Variants in SORCS1 observed in about 807,000 individuals in gnomAD.
SORCS1 encodes the protein VPS10 domain-containing receptor SorCS1.
SORCS1 carries 60 observed loss-of-function variants against 146.1 expected under a neutral mutation model. That is an observed-to-expected ratio of 0.41 (90% CI 0.33 to 0.51). The LOEUF (loss-of-function observed/expected upper bound fraction) is 0.51, where lower values mean the gene tolerates loss of function less well. SORCS1 is among the 20% of genes least tolerant of loss of function. SORCS1 has a pLI of 0.21. For missense variants in SORCS1, 1,352 were observed against 1,487.6 expected, an observed-to-expected ratio of 0.91 and a Z score of 1.50; for synonymous variants, 637 against 584.0, an observed-to-expected ratio of 1.09 and a Z score of -1.31.
chr10:107,112,235 T>C (rs1343082383), intron 1 of SORCS1, among the ~76,000 whole-genome samples: 1 of 152,028 alleles, frequency 6.6e-6, no homozygotes, highest in Non-Finnish European at 1.5e-5. Flanking sequence ...TGCTATCAAT[T>C]TTATAAAAAA....
rs560544517 is a variant in SORCS1 at position 106,692,405 on chromosome 10, G to C, written c.1414-4067C>G. Among the ~76,000 whole-genome samples the C allele has an allele frequency of 4.6e-5, 7 of 152,186 alleles. No homozygotes were observed. The East Asian group carries it at 1.3e-3, about 29-fold the overall frequency. On this transcript the variant is annotated intron_variant, in intron 9 of 25. Coordinates refer to ENST00000263054, the MANE Select transcript of SORCS1 (RefSeq NM_052918.5). Reference sequence around the variant, plus strand: ...TACTGAAATAGGTAGTAAGAGTTCTGCATTAGAAGGTACAACACCCAAGCC... The same window carrying C: ...TACTGAAATAGGTAGTAAGAGTTCTCCATTAGAAGGTACAACACCCAAGCC...
chr10:106,846,701 T>G (rs1225964472), intron 2 of SORCS1, among the ~76,000 whole-genome samples: 1 of 10,220 alleles, frequency 9.8e-5, no homozygotes, highest in Non-Finnish European at 1.8e-4. Context: ...GCCCATTCAG[T>G]ATGATATTGG....
intron 6 of SORCS1, among the ~76,000 whole-genome samples, chr10:106,710,956 T>A (rs1479782415): frequency 6.6e-6 from 1 of 152,232 alleles, no homozygotes; most frequent in African/African-American, 2.4e-5. Context: ...CATCTGAGGA[T>A]CTTCCATAGT....
chr10:106,912,522 C>T (rs935395248), intron 2 of SORCS1, among the ~76,000 whole-genome samples: 2 of 152,142 alleles, frequency 1.3e-5, no homozygotes, highest in Admixed American at 6.6e-5. Context: ...ACAAAATTTT[C>T]GGACCACCAC....
At chr10:106,673,941 C>T (rs1482033225) in intron 14 of SORCS1, among the ~76,000 whole-genome samples, 1 of 151,982 alleles carries the variant, frequency 6.6e-6, no homozygotes, top group Non-Finnish European at 1.5e-5. Context: ...GAATGCATTG[C>T]TAATTTAGCT....
chr10:106,957,165 G>GTTTTTTTTTTTTTTTTTTTTTTTTTTTTT (rs374081494), intron 1 of SORCS1, among the ~76,000 whole-genome samples: 2 of 138,038 alleles, frequency 1.4e-5, no homozygotes, highest in Non-Finnish European at 1.5e-5. Flanking sequence ...GTTTTTTTTT[G>GTTTTTTTTTTTTTTTTTTTTTTTTTTTTT]TTTTTTTTGT....
At chr10:106,947,575 G>A (rs1354192624) in intron 2 of SORCS1, among the ~76,000 whole-genome samples, 1 of 152,146 alleles carries the variant, frequency 6.6e-6, no homozygotes, top group African/African-American at 2.4e-5. Flanking sequence ...TGGGCGCGGT[G>A]GCTCACGCCT....
chr10:106,770,809 AC>A (rs1859964329), intron 4 of SORCS1, among the ~76,000 whole-genome samples: 1 of 152,190 alleles, frequency 6.6e-6, no homozygotes, highest in South Asian at 2.1e-4. Context: ...CTAAATGAAC[AC>A]CTGCTCTCCA....
At chr10:106,594,667 C>T (rs1192068606) in intron 24 of SORCS1, among the ~76,000 whole-genome samples, 3 of 152,104 alleles carry the variant, frequency 2.0e-5, no homozygotes, top group Non-Finnish European at 2.9e-5. Context: ...GCAAGGTCTC[C>T]GGACTAAAAA....
chr10:106,672,663 C>T (rs1851695016), intron 15 of SORCS1, among the ~76,000 whole-genome samples: 1 of 152,156 alleles, frequency 6.6e-6, no homozygotes, highest in Non-Finnish European at 1.5e-5. Context: ...CTCATTATAT[C>T]CTAGCACAAT....
intron 1 of SORCS1, among the ~76,000 whole-genome samples, chr10:107,163,269 T>C (rs1419898342): frequency 6.6e-6 from 1 of 152,190 alleles, no homozygotes. Context: ...GTCACTGGGA[T>C]ATATCTGATC....
chr10:106,882,999 A>T (rs1324960877), intron 2 of SORCS1, among the ~76,000 whole-genome samples: 2 of 152,196 alleles, frequency 1.3e-5, no homozygotes, highest in African/African-American at 4.8e-5. Context: ...TAACATTTCG[A>T]CTACAAAAGC....
intron 1 of SORCS1, among the ~76,000 whole-genome samples, chr10:106,980,227 G>T (rs2139335992): frequency 6.6e-6 from 1 of 152,294 alleles, no homozygotes; most frequent in Middle Eastern, 3.4e-3. Flanking sequence ...ATTTCCATGG[G>T]TTATGCCCAA....
intron 2 of SORCS1, among the ~76,000 whole-genome samples, chr10:106,842,591 A>G (rs1949100349): frequency 1.3e-5 from 2 of 151,822 alleles, no homozygotes; most frequent in Admixed American, 1.3e-4. Flanking sequence ...ATGGCTTTAA[A>G]TATAAATTTC....
chr10:106,617,259 GCT>G (rs1211733809), intron 21 of SORCS1, among the ~76,000 whole-genome samples: 2 of 151,984 alleles, frequency 1.3e-5, no homozygotes, highest in East Asian at 3.9e-4. Flanking sequence ...AGCCTCTCTT[GCT>G]CTCTTTCTCA....
chr10:107,019,583 T>C (rs1055254055), intron 1 of SORCS1, among the ~76,000 whole-genome samples: 1 of 152,236 alleles, frequency 6.6e-6, no homozygotes, highest in Non-Finnish European at 1.5e-5. Flanking sequence ...TTCTTTCCTG[T>C]GATGCATAGT....
chr10:107,164,232 T>C lies in SORCS1; in HGVS notation c.295A>G (p.Met99Val). 3.7e-6 allele frequency: 6 copies of C among 1,607,864 alleles called. No homozygotes were observed. The highest frequency in any genetic ancestry group is 5.1e-6 in the Non-Finnish European group (6 of 1,179,762). ...CGGCCGGAGCGTGCAGCAACCGCCATGGATGCCCCAGTGCCCCGAGCCCGC... is the reference window on the plus strand; with the variant it reads ...CGGCCGGAGCGTGCAGCAACCGCCACGGATGCCCCAGTGCCCCGAGCCCGC... ...LERARGTGAS[M>V]AVAARSGRRR... The change falls in exon 1 of 26, where the codon ATG (methionine) becomes GTG (valine). Residue 99 changes from methionine to valine, a missense_variant. Transcript: ENST00000263054. This position sits in a 1 kb window ranked among gnomAD's most constrained non-coding sequence, Gnocchi z 6.8.
intron 1 of SORCS1, among the ~76,000 whole-genome samples, chr10:107,116,476 T>C (rs1410086355): frequency 1.3e-5 from 2 of 152,020 alleles, no homozygotes; most frequent in Non-Finnish European, 2.9e-5. Flanking sequence ...ACACAAGCAA[T>C]GGAACATTAT....
At chr10:107,050,236 T>G (rs1371470451) in intron 1 of SORCS1, among the ~76,000 whole-genome samples, 1 of 152,214 alleles carries the variant, frequency 6.6e-6, no homozygotes, top group East Asian at 1.9e-4. Context: ...ATGGTTAGAT[T>G]TCTTTCTCTT....
Sources: allele counts gnomAD v4.1 joint callset (sites outside exome capture counted in the v4.1 genomes callset), GRCh38; gene constraint gnomAD v4.1.1; non-coding constraint Gnocchi (gnomAD v3.1); transcripts MANE v1.5; gene names NCBI Gene and HGNC (gene_info 2026-07-23, HGNC 2026-07-21).